SUMF1: variants seen among roughly 807,000 people sequenced by gnomAD.
SUMF1 encodes the protein formylglycine-generating enzyme.
SUMF1 carries 48 observed loss-of-function variants against 47.6 expected under a neutral mutation model. The observed-to-expected ratio is 1.01, with a 90% CI of 0.80 to 1.28. SUMF1 has a LOEUF of 1.28. Ranked by LOEUF, SUMF1 falls within the 50% of genes most tolerant of loss-of-function variation. The pLI is 0.00. For synonymous variants in SUMF1, 230 were observed against 192.1 expected (o/e 1.20, Z -1.63); for missense variants, 571 against 485.4 (o/e 1.18, Z -1.66).
intron 3 of SUMF1, among the ~76,000 whole-genome samples, chr3:4,424,772 T>C (rs1404589965): frequency 6.6e-6 from 1 of 152,230 alleles, no homozygotes; most frequent in Non-Finnish European, 1.5e-5. Context: ...CAATGTTTGT[T>C]AGTATCATCA....
chr3:4,418,895 T>A (rs777274405), intron 4 of SUMF1, among the ~76,000 whole-genome samples: 2 of 152,224 alleles, frequency 1.3e-5, no homozygotes, highest in Non-Finnish European at 2.9e-5. Flanking sequence ...ACTAGATGGC[T>A]TTGGCTGAAT....
At chr3:4,142,495 T>A (rs35537946) in intron 8 of SUMF1, among the ~76,000 whole-genome samples, 31,638 of 152,098 alleles carry the variant, frequency 0.21, 3,656 homozygotes, top group Middle Eastern at 0.3. Context: ...AATTATTTGA[T>A]GAATGAATAA....
At chr3:4,132,787 A>G (rs575908791) in intron 8 of SUMF1, among the ~76,000 whole-genome samples, 19 of 152,276 alleles carry the variant, frequency 1.2e-4, no homozygotes, top group Non-Finnish European at 2.4e-4. Context: ...GACACAGACT[A>G]TCAAGAAGAA....
At chr3:4,382,304 A>G (rs1382510194) in intron 7 of SUMF1, among the ~76,000 whole-genome samples, 6 of 150,608 alleles carry the variant, frequency 4.0e-5, no homozygotes, top group Admixed American at 3.9e-4. Context: ...AAGTATTTTT[A>G]ATTACTCTTA....
chr3:4,280,316 C>T (rs1170806524), intron 8 of SUMF1, among the ~76,000 whole-genome samples: 1 of 152,112 alleles, frequency 6.6e-6, no homozygotes, highest in Non-Finnish European at 1.5e-5. Flanking sequence ...TCCTAAAAAG[C>T]TTTAGCCTAC....
intron 8 of SUMF1, among the ~76,000 whole-genome samples, chr3:4,215,155 A>C (rs983018423): frequency 2.6e-5 from 4 of 152,248 alleles, no homozygotes; most frequent in Admixed American, 2.6e-4. Flanking sequence ...TCAATAAAAT[A>C]CTGGCAAACC....
chr3:4,335,680 C>G (rs1413450887), intron 8 of SUMF1, among the ~76,000 whole-genome samples: 7 of 152,128 alleles, frequency 4.6e-5, no homozygotes, highest in Admixed American at 4.6e-4. Context: ...CACAGTGGCT[C>G]ACACCTGTAA....
chr3:4,315,576 CAA>C (rs900922124), intron 8 of SUMF1, among the ~76,000 whole-genome samples: 3 of 152,132 alleles, frequency 2.0e-5, no homozygotes, highest in East Asian at 1.9e-4. Flanking sequence ...AGGTAAGAGT[CAA>C]AGAGTCTTTA....
chr3:4,053,687 G>C (rs1230060505), intron 9 of SUMF1, among the ~76,000 whole-genome samples: 1 of 152,104 alleles, frequency 6.6e-6, no homozygotes, highest in East Asian at 1.9e-4. Flanking sequence ...GGAGAATAGG[G>C]TCATAAGGTT....
intron 8 of SUMF1, among the ~76,000 whole-genome samples, chr3:4,297,423 G>A (rs552139628): frequency 6.6e-6 from 1 of 152,232 alleles, no homozygotes; most frequent in East Asian, 1.9e-4. Context: ...TTGTTTTAGA[G>A]AGAAGGTCTC....
chr3:4,287,644 C>T (rs1697659208), intron 8 of SUMF1, among the ~76,000 whole-genome samples: 3 of 152,186 alleles, frequency 2.0e-5, no homozygotes, highest in African/African-American at 4.8e-5. Flanking sequence ...CCATGACCTA[C>T]CTAGAGCTAG....
intron 8 of SUMF1, among the ~76,000 whole-genome samples, chr3:4,126,044 G>T (rs1693648521): frequency 6.6e-6 from 1 of 151,630 alleles, no homozygotes; most frequent in African/African-American, 2.4e-5. Context: ...ACTATCCCTA[G>T]AACTGCATCC....
At chr3:4,280,757 T>G (rs1272723242) in intron 8 of SUMF1, among the ~76,000 whole-genome samples, 2 of 151,310 alleles carry the variant, frequency 1.3e-5, no homozygotes, top group African/African-American at 4.9e-5. Context: ...TCCCTCCTAG[T>G]GTCTGGTAGT....
At chr3:4,220,516 T>TC (rs982021945) in intron 8 of SUMF1, among the ~76,000 whole-genome samples, 3 of 152,088 alleles carry the variant, frequency 2.0e-5, no homozygotes, top group Non-Finnish European at 4.4e-5. Flanking sequence ...TTCATTTGTT[T>TC]CCTTTGTCCT....
At chr3:4,190,806 C>G (rs1695298613) in intron 8 of SUMF1, among the ~76,000 whole-genome samples, 1 of 152,124 alleles carries the variant, frequency 6.6e-6, no homozygotes, top group Admixed American at 6.5e-5. Context: ...TCAGGGAGTT[C>G]ACAGCCTACT....
At chr3:4,047,165 G>C (rs1421227272) in intron 9 of SUMF1, among the ~76,000 whole-genome samples, 1 of 152,066 alleles carries the variant, frequency 6.6e-6, no homozygotes, top group East Asian at 1.9e-4. Context: ...TCTTCCAAGA[G>C]ACATCCTTTG....
chr3:4,244,705 A>G, intron 8 of SUMF1, among the ~76,000 whole-genome samples: 1 of 151,972 alleles, frequency 6.6e-6, no homozygotes, highest in Non-Finnish European at 1.5e-5. Flanking sequence ...CCTTCATTTC[A>G]ACCTTGGTGA....
intron 8 of SUMF1, among the ~76,000 whole-genome samples, chr3:4,343,738 G>A (rs548024139): frequency 6.6e-6 from 1 of 152,278 alleles, no homozygotes; most frequent in South Asian, 2.1e-4. Flanking sequence ...CTTTTTGGAG[G>A]GCTGTCAATA....
intron 7 of SUMF1, among the ~76,000 whole-genome samples, chr3:4,407,756 G>T (rs1053528564): frequency 3.3e-5 from 5 of 152,338 alleles, no homozygotes; most frequent in African/African-American, 9.6e-5. Context: ...TTTCCTTAGA[G>T]ATCTATTGCC....
Sources: allele counts gnomAD v4.1 joint callset (sites outside exome capture counted in the v4.1 genomes callset), GRCh38; gene constraint gnomAD v4.1.1; transcripts MANE v1.5; gene names NCBI Gene and HGNC (gene_info 2026-07-23, HGNC 2026-07-21).